CSNK1G2: variants seen among roughly 807,000 people sequenced by gnomAD.
CSNK1G2 encodes casein kinase 1 gamma 2, also known as casein kinase I isoform gamma-2.
In CSNK1G2, 11 loss-of-function variants were observed where a neutral mutation model predicts 48.0. The ratio of observed to expected loss-of-function variants is 0.23; its 90% CI spans 0.14 to 0.38. The LOEUF (loss-of-function observed/expected upper bound fraction) is 0.38. CSNK1G2 is among the 10% of genes least tolerant of loss of function. The pLI is 1.00. For synonymous variants in CSNK1G2, 337 were observed against 254.1 expected (o/e 1.33, Z -3.10); for missense variants, 446 against 595.5 (o/e 0.75, Z 2.61).
chr19:1,979,784 G>A lies in CSNK1G2; in HGVS notation c.1035G>A (p.Leu345=), dbSNP rs752341175. 5.6e-6 allele frequency: 9 copies of A among 1,607,106 alleles called. No homozygotes were observed. In the Middle Eastern group the frequency reaches 1.5e-3, roughly 266 times the overall value. ...CCATCGGCACCGTCCACACCGACCT[G>A]CCCTCCCAGCCTCAGCTCCGGGACA... The part of the protein sequence containing the change: ...PTPIGTVHTD[L]PSQPQLRDKT... The change falls in exon 10 of 12, where the codon CTG becomes CTA. Residue 345 remains leucine, a synonymous_variant. Coordinates refer to ENST00000255641, the MANE Select transcript of CSNK1G2 (RefSeq NM_001319.7).
chr19:1,950,430 C>T lies in CSNK1G2; in HGVS notation c.-266+9012C>T, dbSNP rs76720992. 5.4e-5 allele frequency among the ~76,000 whole-genome samples: 8 copies of T among 147,116 alleles called. 1 individual carries two copies. The highest frequency in any genetic ancestry group is 2.2e-4 in the South Asian group (1 of 4,588). On this transcript the variant is annotated intron_variant, in intron 1 of 11. Coordinates refer to ENST00000255641, the MANE Select transcript of CSNK1G2 (RefSeq NM_001319.7). Reference sequence around the variant, plus strand: ...CTGGGATTACAGGCGTGAGCCACCGCGCCTGGCCATCAATGTTTATTTTTA... The same window carrying T: ...CTGGGATTACAGGCGTGAGCCACCGTGCCTGGCCATCAATGTTTATTTTTA...
Position 1,979,183 on chromosome 19 carries a change from C to T in CSNK1G2, c.703C>T (p.Leu235=). The change falls in exon 7 of 12, where the codon CTG becomes TTG. Residue 235 remains leucine, a synonymous_variant. Coordinates refer to ENST00000255641, the MANE Select transcript of CSNK1G2 (RefSeq NM_001319.7). ...CGCAGAGCAGAGCCGCCGCGACGAC[C>T]TGGAGGCGCTGGGCCACATGTTCAT... ...LGKEQSRRDD[L]EALGHMFMYF... The T allele has an allele frequency of 1.3e-6, 2 of 1,534,270 alleles. No individual in the cohort carries two copies. Among genetic ancestry groups the T allele is most frequent in the South Asian group, 1.2e-5 (1 of 82,214 alleles).
chr19:1,942,076 G>A (rs1165964788), intron 1 of CSNK1G2, among the ~76,000 whole-genome samples: 2 of 152,126 alleles, frequency 1.3e-5, no homozygotes, highest in African/African-American at 4.8e-5. Flanking sequence ...GGGGGAGGAA[G>A]GTGGTCTGAT....
intron 1 of CSNK1G2, among the ~76,000 whole-genome samples, chr19:1,961,263 G>A (rs1160702735): frequency 1.3e-5 from 2 of 152,248 alleles, no homozygotes; most frequent in African/African-American, 2.4e-5. Context: ...TGGAGGGGGC[G>A]GTCCCCATGG....
At chr19:1,970,325 G>A (rs1459722397) in intron 2 of CSNK1G2, among the ~76,000 whole-genome samples, 2 of 152,242 alleles carry the variant, frequency 1.3e-5, no homozygotes, top group Non-Finnish European at 1.5e-5. Flanking sequence ...GTGCCTGCCC[G>A]GCACTCAGCT....
At chr19:1,960,862 C>G (rs1440108645) in intron 1 of CSNK1G2, among the ~76,000 whole-genome samples, 1 of 152,232 alleles carries the variant, frequency 6.6e-6, no homozygotes, top group Admixed American at 6.5e-5. Flanking sequence ...ACACTCCAGC[C>G]TGGGCGACAG....
intron 1 of CSNK1G2, chr19:1,954,254 G>A (rs544034349): frequency 6.8e-5 from 21 of 307,934 alleles, no homozygotes; most frequent in East Asian, 5.7e-4. Flanking sequence ...GCCTGGCCCC[G>A]CTCTGCTGTG....
chr19:1,970,879 C>T (rs1179704810), intron 2 of CSNK1G2, among the ~76,000 whole-genome samples: 2 of 151,252 alleles, frequency 1.3e-5, no homozygotes, highest in Non-Finnish European at 3.0e-5. Context: ...CGTGGGCACC[C>T]ATGGCAGGCG....
In CSNK1G2 at chr19:1,969,814, G is replaced by C; in HGVS notation, c.42G>C (p.Glu14Asp). The change falls in exon 2 of 12, where the codon GAG becomes GAC. Residue 14 changes from glutamate to aspartate, a missense_variant. Physicochemically the swap from Glu to Asp is conservative, Grantham distance 45. Coordinates refer to ENST00000255641, the MANE Select transcript of CSNK1G2 (RefSeq NM_001319.7). ...AAGGAGGGAAAGGGGAGACGGAGGAGGGCCGGAGAATGTCCAAGGCCGGCG... is the reference window on the plus strand; with the variant it reads ...AAGGAGGGAAAGGGGAGACGGAGGACGGCCGGAGAATGTCCAAGGCCGGCG... ...DKKGGKGETE[E>D]GRRMSKAGGG... 7.6e-7 allele frequency: 1 copy of C among 1,310,426 alleles called. No homozygotes were observed. 81.2% of individuals were successfully genotyped at this position (1,310,426 alleles called of 1,614,324 possible). A position where few individuals can be genotyped will look rare whatever the true frequency, so the allele number is the denominator to read the frequency against.
At chr19:1,969,083 C>T (rs918568401) in intron 1 of CSNK1G2, among the ~76,000 whole-genome samples, 18 of 152,298 alleles carry the variant, frequency 1.2e-4, no homozygotes, top group African/African-American at 2.9e-4. Context: ...TTTCCCAGAG[C>T]GGCCCTGGGC....
chr19:1,943,328 G>A (rs538638581), intron 1 of CSNK1G2, among the ~76,000 whole-genome samples: 64 of 152,262 alleles, frequency 4.2e-4, no homozygotes, highest in Admixed American at 1.6e-3. Context: ...AGGGAGCAGC[G>A]CCTCATTGCC....
chr19:1,965,736 C>T (rs2015345740), intron 1 of CSNK1G2, among the ~76,000 whole-genome samples: 1 of 152,030 alleles, frequency 6.6e-6, no homozygotes, highest in African/African-American at 2.4e-5. Flanking sequence ...GAGCTCAAAG[C>T]AGTCTGCCCG....
chr19:1,980,123 C>G (rs747640737), intron 11 of CSNK1G2, 26 bp from the exon 12 acceptor site: 2 of 1,612,634 alleles, frequency 1.2e-6, no homozygotes. Context: ...CCCCGGTCCT[C>G]CTACCTGAGC....
intron 1 of CSNK1G2, among the ~76,000 whole-genome samples, chr19:1,946,570 C>T (rs553384054): frequency 3.4e-5 from 5 of 148,136 alleles, no homozygotes; most frequent in African/African-American, 5.0e-5. Context: ...GGATTACAGG[C>T]GTGAGCCACC....
chr19:1,975,282 C>G lies in CSNK1G2; in HGVS notation c.188-3023C>G. The G allele has an allele frequency of 3.0e-6, 3 of 985,470 alleles. No homozygotes were observed. The South Asian group carries it at 1.4e-4, about 46-fold the overall frequency. 61.0% of individuals were successfully genotyped at this position (985,470 alleles called of 1,614,324 possible). A position where few individuals can be genotyped will look rare whatever the true frequency, so the allele number is the denominator to read the frequency against. ...AGCTGGATGATACATCGACAGACAG[C>G]AGAGGGACGGTGTAGCACACAGGCG... On this transcript the variant is annotated intron_variant, in intron 2 of 11. Coordinates refer to ENST00000255641, the MANE Select transcript of CSNK1G2 (RefSeq NM_001319.7).
rs1428813305 is a variant in CSNK1G2, at chr19:1,957,351, G to A, written c.-265-12157G>A. ...GGGAGGTCACGTGGGCACCACAGAC[G>A]AAAGTGGAGCCGGGGGAGAGATGTC... On this transcript the variant is annotated intron_variant, in intron 1 of 11. Coordinates refer to ENST00000255641, the MANE Select transcript of CSNK1G2 (RefSeq NM_001319.7). This position sits in a 1 kb window ranked among gnomAD's most constrained non-coding sequence, Gnocchi z 5.4. Among the ~76,000 whole-genome samples, 1 of 152,234 alleles carries A rather than the reference G, an allele frequency of 6.6e-6. No individual in the cohort carries two copies. The highest frequency in any genetic ancestry group is 1.5e-5 in the Non-Finnish European group (1 of 68,048).
rs1041066406 is a variant in CSNK1G2, at chr19:1,957,955, C to T, written c.-265-11553C>T. Reference sequence around the variant, plus strand: ...CGGCAGAGCCAGCCTCATGTCACCACGTGCTTCCCCCGTGTGCAGGGAGGG... The same window carrying T: ...CGGCAGAGCCAGCCTCATGTCACCATGTGCTTCCCCCGTGTGCAGGGAGGG... On this transcript the variant is annotated intron_variant, in intron 1 of 11. Transcript: ENST00000255641. The surrounding 1 kb of genome is among the most constrained non-coding windows in gnomAD (Gnocchi z 5.4). Among the ~76,000 whole-genome samples, 11 of 152,136 alleles carry T rather than the reference C, an allele frequency of 7.2e-5. No homozygotes were observed. The highest frequency in any genetic ancestry group is 1.9e-4 in the East Asian group (1 of 5,188).
At chr19:1,947,819 C>A (rs1299693010) in intron 1 of CSNK1G2, among the ~76,000 whole-genome samples, 2 of 152,174 alleles carry the variant, frequency 1.3e-5, no homozygotes, top group African/African-American at 4.8e-5. Flanking sequence ...TGGAGAGGGG[C>A]GCTGTGTGGG....
intron 2 of CSNK1G2, chr19:1,975,987 A>T: frequency 9.3e-7 from 1 of 1,076,020 alleles, no homozygotes; most frequent in South Asian, 1.3e-5. Flanking sequence ...GTGAGCCGTG[A>T]TCGCGCCAGT....
Sources: gnomAD v4.1 joint callset for allele counts (sites outside exome capture counted in the v4.1 genomes callset) on GRCh38, gnomAD v4.1.1 for gene constraint, Gnocchi (gnomAD v3.1) non-coding constraint, MANE v1.5 for transcripts, NCBI Gene and HGNC (gene_info 2026-07-23, HGNC 2026-07-21) for gene names.